Variants in GNB4 observed in about 807,000 individuals in gnomAD.
GNB4 encodes the protein guanine nucleotide-binding protein subunit beta-4.
GNB4 carries 28 observed loss-of-function variants against 45.2 expected under a neutral mutation model. The observed-to-expected ratio is 0.62, with a 90% CI of 0.46 to 0.85. The LOEUF is 0.85. Ranked by LOEUF, GNB4 falls within the 40% of genes least tolerant of loss-of-function variation. GNB4 has a pLI of 0.00. For missense variants in GNB4, 321 were observed against 425.4 expected (o/e 0.75, Z 2.16); for synonymous variants, 132 against 143.7 (o/e 0.92, Z 0.58).
the GNB4 span, among the ~76,000 whole-genome samples, chr3:179,468,530 G>A: frequency 6.6e-6 from 1 of 151,678 alleles, no homozygotes. Context: ...AAAAACAAAG[G>A]TAGCCTGAAA....
At chr3:179,524,577 G>A in the GNB4 span, among the ~76,000 whole-genome samples, 2 of 152,194 alleles carry the variant, frequency 1.3e-5, no homozygotes, top group Non-Finnish European at 2.9e-5. Context: ...TGGGGTTTGA[G>A]GGCCAGGATC....
the GNB4 span, among the ~76,000 whole-genome samples, chr3:179,472,860 C>T: frequency 1.3e-5 from 2 of 152,176 alleles, no homozygotes; most frequent in Non-Finnish European, 1.5e-5. Flanking sequence ...ACCAAATTCA[C>T]TCTTTGAAAA....
intron 1 of GNB4, among the ~76,000 whole-genome samples, chr3:179,435,546 C>G (rs1346544095): frequency 1.3e-5 from 2 of 150,906 alleles, no homozygotes; most frequent in African/African-American, 4.9e-5. Flanking sequence ...AATTTTTGCT[C>G]AAGATCACAT....
the GNB4 span, among the ~76,000 whole-genome samples, chr3:179,476,628 C>T: frequency 1.3e-5 from 2 of 152,220 alleles, no homozygotes; most frequent in African/African-American, 4.8e-5. Context: ...TGTGACAAGC[C>T]TCTGCCTGGC....
the GNB4 span, among the ~76,000 whole-genome samples, chr3:179,522,787 G>A: frequency 2.0e-5 from 3 of 152,202 alleles, no homozygotes; most frequent in African/African-American, 7.2e-5. Flanking sequence ...TGGGGGTCAG[G>A]TGTGGTATCA....
chr3:179,505,549 C>A, the GNB4 span, among the ~76,000 whole-genome samples: 4 of 152,156 alleles, frequency 2.6e-5, no homozygotes, highest in South Asian at 2.1e-4. Context: ...AAAGAGCATA[C>A]AAAATATACA....
At chr3:179,518,688 A>G in the GNB4 span, among the ~76,000 whole-genome samples, 2 of 152,318 alleles carry the variant, frequency 1.3e-5, no homozygotes, top group South Asian at 4.1e-4. Flanking sequence ...AGCTAAAGGC[A>G]TAGTCAAGGT....
At chr3:179,498,748 G>GTTT in the GNB4 span, among the ~76,000 whole-genome samples, 196 of 117,546 alleles carry the variant, frequency 1.7e-3, 1 homozygote, top group Admixed American at 3.6e-3. Context: ...GTTGAGGTTT[G>GTTT]GTTTTTTTTT....
At chr3:179,518,257 C>A in the GNB4 span, among the ~76,000 whole-genome samples, 38 of 152,268 alleles carry the variant, frequency 2.5e-4, no homozygotes, top group African/African-American at 8.2e-4. Context: ...CAGAAAATGG[C>A]AGTTTTGATT....
chr3:179,409,953 G>C (rs779953608), intron 8 of GNB4, among the ~76,000 whole-genome samples: 1 of 152,116 alleles, frequency 6.6e-6, no homozygotes, highest in East Asian at 1.9e-4. Context: ...TGAGGGAGCC[G>C]GTGGAAGGTA....
chr3:179,432,765 G>T (rs1715343052), intron 1 of GNB4, among the ~76,000 whole-genome samples: 1 of 152,182 alleles, frequency 6.6e-6, no homozygotes. Context: ...GGTTTTTAAG[G>T]ACACATTTTG....
At chr3:179,409,239 A>G (rs6443646) in intron 8 of GNB4, among the ~76,000 whole-genome samples, 106,486 of 151,698 alleles carry the variant, frequency 0.7, 37,717 homozygotes, top group African/African-American at 0.78. Context: ...GGCTGTGCAC[A>G]GTGGCTCATG....
intron 1 of GNB4, among the ~76,000 whole-genome samples, chr3:179,433,077 C>T (rs960234764): frequency 6.6e-6 from 1 of 152,130 alleles, no homozygotes; most frequent in Non-Finnish European, 1.5e-5. Flanking sequence ...CCAAAAAAAT[C>T]ATTTCTCACT....
the GNB4 span, among the ~76,000 whole-genome samples, chr3:179,522,518 A>G: frequency 6.9e-6 from 1 of 145,686 alleles, no homozygotes; most frequent in Admixed American, 6.6e-5. Flanking sequence ...AAATATTGAC[A>G]CGTACTCCTT....
intron 1 of GNB4, among the ~76,000 whole-genome samples, chr3:179,436,120 G>T (rs1290156501): frequency 6.6e-6 from 1 of 152,158 alleles, no homozygotes; most frequent in Non-Finnish European, 1.5e-5. Flanking sequence ...GGATAGGCCG[G>T]ATCTGCAGTG....
the GNB4 span, among the ~76,000 whole-genome samples, chr3:179,469,880 G>A: frequency 3.3e-5 from 5 of 152,114 alleles, no homozygotes; most frequent in Admixed American, 2.6e-4. Flanking sequence ...AGTGACGGAC[G>A]GCATCTTCTC....
rs1432444943 is a variant in GNB4 at position 179,396,558 on chromosome 3, G to A, written c.*4655C>T. ...TTCTATTAATTAAGAAATAAATACT[G>A]TATGATGTAAGATTTTGTTGAATAC... is the stretch of plus-strand genomic sequence containing the variant. On this transcript the variant is annotated 3_prime_UTR_variant, in exon 10 of 10. Coordinates refer to ENST00000232564, the MANE Select transcript of GNB4 (RefSeq NM_021629.4). 2.0e-5 allele frequency: 3 copies of A among 152,126 alleles called. No individual in the cohort carries two copies. Among genetic ancestry groups the A allele is most frequent in the Non-Finnish European group, 4.4e-5 (3 of 68,024 alleles). The allele number at this position is 152,126 out of a possible 1,614,324, so 9.4% of individuals were successfully genotyped here.
chr3:179,468,035 A>AAAAAAATATAT, the GNB4 span, among the ~76,000 whole-genome samples: 18 of 89,828 alleles, frequency 2.0e-4, no homozygotes, highest in East Asian at 2.3e-3. Flanking sequence ...TGTTGATAAA[A>AAAAAAATATAT]ATATATATAT....
At chr3:179,491,906 A>G in the GNB4 span, among the ~76,000 whole-genome samples, 1 of 152,218 alleles carries the variant, frequency 6.6e-6, no homozygotes, top group East Asian at 1.9e-4. Context: ...TGACATCAAG[A>G]TAGAGAATTA....
Sources: allele counts gnomAD v4.1 joint callset (sites outside exome capture counted in the v4.1 genomes callset), GRCh38; gene constraint gnomAD v4.1.1; transcripts MANE v1.5; gene names NCBI Gene and HGNC (gene_info 2026-07-23, HGNC 2026-07-21).